C1orf198: variants seen among roughly 807,000 people sequenced by gnomAD.
C1orf198 encodes the protein uncharacterized protein C1orf198.
In C1orf198, 17 loss-of-function variants were observed where a neutral mutation model predicts 31.4. The observed-to-expected ratio is 0.54, with a 90% CI of 0.37 to 0.81. The LOEUF (loss-of-function observed/expected upper bound fraction) is 0.81, where lower values mean the gene tolerates loss of function less well. C1orf198 is among the 40% of genes least tolerant of loss of function. The pLI is 0.00. For synonymous variants in C1orf198, 175 were observed against 193.8 expected (o/e 0.90, Z 0.81); for missense variants, 401 against 450.3 (o/e 0.89, Z 0.99).
intron 1 of C1orf198, among the ~76,000 whole-genome samples, chr1:230,865,396 A>G (rs1670096564): frequency 6.6e-6 from 1 of 152,342 alleles, no homozygotes; most frequent in African/African-American, 2.4e-5. Flanking sequence ...TACTGAGATC[A>G]TATGTTCACA....
chr1:230,863,858 C>A (rs958569638), intron 1 of C1orf198, among the ~76,000 whole-genome samples: 1 of 152,246 alleles, frequency 6.6e-6, no homozygotes, highest in Non-Finnish European at 1.5e-5. Flanking sequence ...TCCATGGATA[C>A]AGCAGGCACA....
chr1:230,849,503 T>C (rs574956774), intron 2 of C1orf198, among the ~76,000 whole-genome samples: 1 of 152,088 alleles, frequency 6.6e-6, no homozygotes, highest in Non-Finnish European at 1.5e-5. Context: ...CCACGGAGGC[T>C]CTGCTGGGAG....
chr1:230,862,077 G>A (rs1414984312), intron 1 of C1orf198, among the ~76,000 whole-genome samples: 1 of 152,300 alleles, frequency 6.6e-6, no homozygotes, highest in East Asian at 1.9e-4. Flanking sequence ...GTGATGCCAG[G>A]TGGCCTGGCC....
chr1:230,869,113 T>A (rs559142764), upstream of C1orf198: 1 of 152,546 alleles, frequency 6.6e-6, no homozygotes, highest in Non-Finnish European at 1.5e-5. Flanking sequence ...GAGCTGCAGA[T>A]AGCCGGGGGC....
At chr1:230,867,858 T>G (rs921013552) in intron 1 of C1orf198, among the ~76,000 whole-genome samples, 1 of 152,198 alleles carries the variant, frequency 6.6e-6, no homozygotes, top group Non-Finnish European at 1.5e-5. Flanking sequence ...GGTTTAAAAT[T>G]GCTTGTTGTT....
chr1:230,860,985 T>C (rs1669992685), intron 1 of C1orf198, among the ~76,000 whole-genome samples: 1 of 152,186 alleles, frequency 6.6e-6, no homozygotes, highest in Non-Finnish European at 1.5e-5. Flanking sequence ...AGGCTACATA[T>C]TGTATGATTC....
chr1:230,864,454 A>G (rs1015685531), intron 1 of C1orf198, among the ~76,000 whole-genome samples: 1 of 152,202 alleles, frequency 6.6e-6, no homozygotes, highest in Admixed American at 6.5e-5. Context: ...CAAGAGGAAT[A>G]AGAGAGCAAC....
intron 2 of C1orf198, among the ~76,000 whole-genome samples, chr1:230,852,890 T>C (rs1669780210): frequency 6.6e-6 from 1 of 152,194 alleles, no homozygotes; most frequent in South Asian, 2.1e-4. Context: ...AGCTTGTGCC[T>C]TGATTTGACC....
At chr1:230,849,386 C>G (rs1168527231) in intron 2 of C1orf198, among the ~76,000 whole-genome samples, 2 of 152,182 alleles carry the variant, frequency 1.3e-5, no homozygotes, top group Admixed American at 1.3e-4. Flanking sequence ...GGGGATGCAA[C>G]TTAGTGGTCT....
In C1orf198 at chr1:230,850,937, C is replaced by T. The variant is rs565031961; in HGVS notation, c.384+4731G>A. Reference sequence around the variant, plus strand: ...CACAGATAGACCTGAGCTCCAATTGCTCTCCGCCCACTCGACCTGCCAGGC... The same window carrying T: ...CACAGATAGACCTGAGCTCCAATTGTTCTCCGCCCACTCGACCTGCCAGGC... On this transcript the variant is annotated intron_variant, in intron 2 of 3. Coordinates refer to ENST00000366663, the MANE Select transcript of C1orf198 (RefSeq NM_032800.3). 3.3e-5 allele frequency among the ~76,000 whole-genome samples: 5 copies of T among 152,222 alleles called. No homozygotes were observed. In the East Asian group the frequency reaches 9.7e-4, roughly 30 times the overall value.
intron 2 of C1orf198, among the ~76,000 whole-genome samples, chr1:230,850,771 C>A (rs1315696095): frequency 6.6e-6 from 1 of 151,840 alleles, no homozygotes; most frequent in African/African-American, 2.4e-5. Context: ...GGATGCAGCC[C>A]CATGGTGTCC....
chr1:230,866,071 C>G (rs12745944), intron 1 of C1orf198, among the ~76,000 whole-genome samples: 1 of 152,156 alleles, frequency 6.6e-6, no homozygotes, highest in Non-Finnish European at 1.5e-5. Context: ...TTGGGGGTAC[C>G]TCTGTTCAGC....
chr1:230,868,186 C>A lies in C1orf198; in HGVS notation c.327G>T (p.Gly109=), dbSNP rs1284175811. The A allele has an allele frequency of 2.0e-6, 3 of 1,511,920 alleles. No homozygotes were observed. The highest frequency in any genetic ancestry group is 2.6e-6 in the Non-Finnish European group (3 of 1,134,420). The allele number at this position is 1,511,920 out of a possible 1,614,324, so 93.7% of individuals were successfully genotyped here. ...GPTGQKVVRF[G]DEDLTWQDEH... ...CGGCCAGGCCCGCACCTACCTCGTC[C>A]CCGAAGCGCACCACCTTCTGGCCCG... The change falls in exon 1 of 4, where the codon GGG becomes GGT. Residue 109 remains glycine, a synonymous_variant. Transcript: ENST00000366663.
Position 230,847,090 on chromosome 1 carries a change from G to C in C1orf198, c.385-3194C>G, listed in dbSNP as rs542171883. Among the ~76,000 whole-genome samples the C allele has an allele frequency of 9.6e-3, 1,214 of 126,076 alleles. 15 individuals carry two copies. Among genetic ancestry groups the C allele is most frequent in the African/African-American group, 0.043 (1,166 of 27,024 alleles). The allele number at this position is 126,076 out of a possible 152,430, so 82.7% of individuals were successfully genotyped here. ...TGCACTCCAGCCTGGGCGACAGAGC[G>C]AGACTCCGTCTCAAAAAAAAAAAAA... On this transcript the variant is annotated intron_variant, in intron 2 of 3. Coordinates refer to ENST00000366663, the MANE Select transcript of C1orf198 (RefSeq NM_032800.3).
chr1:230,859,405 C>T (rs1669954351), intron 1 of C1orf198, among the ~76,000 whole-genome samples: 1 of 152,158 alleles, frequency 6.6e-6, no homozygotes, highest in Non-Finnish European at 1.5e-5. Flanking sequence ...TGTCAAAACA[C>T]ATCTGTTACT....
rs74144845 is a variant in C1orf198 at position 230,841,777 on chromosome 1, G to A, written c.927+1577C>T. Among the ~76,000 whole-genome samples the A allele has an allele frequency of 4.2e-3, 636 of 152,280 alleles. 6 individuals carry two copies. Among genetic ancestry groups the A allele is most frequent in the African/African-American group, 0.014 (594 of 41,550 alleles). On this transcript the variant is annotated intron_variant, in intron 3 of 3. Coordinates refer to ENST00000366663, the MANE Select transcript of C1orf198 (RefSeq NM_032800.3). ...ATGTGATCCAGCAATTCTACATCTGGGTATGCACCCAGGAGAAGGGAAAGC... is the reference window on the plus strand; with the variant it reads ...ATGTGATCCAGCAATTCTACATCTGAGTATGCACCCAGGAGAAGGGAAAGC...
intron 1 of C1orf198, among the ~76,000 whole-genome samples, chr1:230,866,856 C>T (rs1670132376): frequency 6.6e-6 from 1 of 152,192 alleles, no homozygotes; most frequent in Non-Finnish European, 1.5e-5. Flanking sequence ...CCCCAGTTTA[C>T]CACACCCTTG....
intron 2 of C1orf198, among the ~76,000 whole-genome samples, chr1:230,849,430 T>C (rs1669680882): frequency 6.6e-6 from 1 of 151,764 alleles, no homozygotes; most frequent in African/African-American, 2.4e-5. Context: ...GATAGGAGAG[T>C]CCACAAGGAA....
intron 1 of C1orf198, chr1:230,855,945 C>T: frequency 7.5e-7 from 1 of 1,328,756 alleles, no homozygotes; most frequent in Non-Finnish European, 9.6e-7. Context: ...CCCAGCCAAA[C>T]AGACAACAGG....
Sources: gnomAD v4.1 joint callset for allele counts (sites outside exome capture counted in the v4.1 genomes callset) on GRCh38, gnomAD v4.1.1 for gene constraint, MANE v1.5 for transcripts, NCBI Gene and HGNC (gene_info 2026-07-23, HGNC 2026-07-21) for gene names.